The following RLF variants were observed in gnomAD, a reference collection of about 807,000 sequenced individuals.
RLF encodes zinc finger protein Rlf.
Under a neutral mutation model 162.9 loss-of-function variants are expected in RLF, and 7 were observed. That is an observed-to-expected ratio of 0.04 (90% CI 0.02 to 0.08). The LOEUF is 0.08. Among genes scored for constraint, RLF ranks in the 10% least tolerant of loss-of-function variants. The pLI is 1.00. For synonymous variants in RLF, 782 were observed against 791.5 expected (o/e 0.99, Z 0.20); for missense variants, 1,664 against 2,244.7 (o/e 0.74, Z 5.23).
At chr1:40,197,981 G>T (rs146437258) in intron 4 of RLF, among the ~76,000 whole-genome samples, 116 of 152,234 alleles carry the variant, frequency 7.6e-4, no homozygotes, top group African/African-American at 2.4e-3. Flanking sequence ...GATCAGTAAA[G>T]ATGCCATGGA....
chr1:40,226,544 T>C (rs1643080323), intron 6 of RLF, among the ~76,000 whole-genome samples: 2 of 152,250 alleles, frequency 1.3e-5, no homozygotes, highest in Admixed American at 1.3e-4. Flanking sequence ...GACTGTGATA[T>C]ACTAACCAAT....
At chr1:40,198,348 A>C (rs1290346123) in intron 4 of RLF, among the ~76,000 whole-genome samples, 4 of 140,424 alleles carry the variant, frequency 2.8e-5, no homozygotes, top group African/African-American at 8.1e-5. Context: ...CTTGTTGCCC[A>C]GGCTGGAGTG....
At chr1:40,192,400 T>C (rs1283972271) in intron 3 of RLF, among the ~76,000 whole-genome samples, 1 of 152,198 alleles carries the variant, frequency 6.6e-6, no homozygotes, top group Non-Finnish European at 1.5e-5. Flanking sequence ...TCAGCATCCC[T>C]AATCTGAAAA....
At position 40,238,503 on chromosome 1, in the gene RLF, A is replaced by G. The variant is rs1557763772; in HGVS notation, c.3801A>G (p.Lys1267=). ...LESSCEETES[K]TSDISSPIGS... ...CATCTTGTGAAGAAACAGAAAGTAAAACATCTGACATTTCATCACCAATAG... is the reference window on the plus strand; with the variant it reads ...CATCTTGTGAAGAAACAGAAAGTAAGACATCTGACATTTCATCACCAATAG... Residue 1267 remains lysine (K), a synonymous_variant, in exon 8 of 8, where the codon AAA becomes AAG. Coordinates refer to ENST00000372771, the MANE Select transcript of RLF (RefSeq NM_012421.4). This position sits in a 1 kb window ranked among gnomAD's most constrained non-coding sequence, Gnocchi z 5.2. 1.2e-6 allele frequency: 2 copies of G among 1,614,036 alleles called. No homozygotes were observed. Among genetic ancestry groups the G allele is most frequent in the South Asian group, 1.1e-5 (1 of 91,082 alleles).
rs201951615 is a variant in RLF at position 40,238,512 on chromosome 1, C to T, written c.3810C>T (p.Asp1270=). 8.7e-6 allele frequency: 14 copies of T among 1,613,888 alleles called. No individual in the cohort carries two copies. In the Middle Eastern group the frequency reaches 4.9e-4, roughly 57 times the overall value. Residue 1270 remains aspartate (D), a synonymous_variant, in exon 8 of 8, where the codon GAC becomes GAT. Coordinates refer to ENST00000372771, the MANE Select transcript of RLF (RefSeq NM_012421.4). The surrounding 1 kb of genome is among the most constrained non-coding windows in gnomAD (Gnocchi z 5.2). Reference sequence around the variant, plus strand: ...AAGAAACAGAAAGTAAAACATCTGACATTTCATCACCAATAGGCAGCCATA... The same window carrying T: ...AAGAAACAGAAAGTAAAACATCTGATATTTCATCACCAATAGGCAGCCATA... ...SCEETESKTS[D]ISSPIGSHRE... is the part of the protein sequence containing the mutation.
chr1:40,186,522 C>T lies in RLF; in HGVS notation c.238-2533C>T, dbSNP rs148995516. Among the ~76,000 whole-genome samples the T allele has an allele frequency of 1.7e-3, 257 of 152,270 alleles. 1 individual carries two copies. Among genetic ancestry groups the T allele is most frequent in the African/African-American group, 5.9e-3 (246 of 41,554 alleles). ...GTCCTGGTGGAATGTCTGTCAGAAG[C>T]TATTAGATTGGTGGCAAGAGCGTTC... On this transcript the variant is annotated intron_variant, in intron 1 of 7. Coordinates refer to ENST00000372771, the MANE Select transcript of RLF (RefSeq NM_012421.4).
chr1:40,212,840 C>T (rs1436374522), intron 5 of RLF, among the ~76,000 whole-genome samples: 1 of 151,982 alleles, frequency 6.6e-6, no homozygotes, highest in Non-Finnish European at 1.5e-5. Context: ...TTAAACAGGA[C>T]CCAGTGGGAA....
At chr1:40,188,543 C>T (rs1230565065) in intron 1 of RLF, among the ~76,000 whole-genome samples, 1 of 150,578 alleles carries the variant, frequency 6.6e-6, no homozygotes, top group Non-Finnish European at 1.5e-5. Flanking sequence ...ATAAAAATAT[C>T]AATATAACAT....
intron 6 of RLF, 87 bp downstream of exon 6, chr1:40,222,797 T>G: frequency 1.7e-6 from 2 of 1,202,800 alleles, no homozygotes; most frequent in South Asian, 1.4e-5. Context: ...TGTTTCTAAT[T>G]TAAAACCTAG....
At chr1:40,181,194 C>T (rs999806042) in intron 1 of RLF, among the ~76,000 whole-genome samples, 5 of 152,064 alleles carry the variant, frequency 3.3e-5, no homozygotes, top group African/African-American at 1.2e-4. Flanking sequence ...CTTTGGGAGG[C>T]CAAGGTGGAT....
chr1:40,214,943 A>AC lies in RLF; in HGVS notation c.811-7631_811-7630insC, dbSNP rs1211541054. On this transcript the variant is annotated intron_variant, in intron 5 of 7. Transcript: ENST00000372771. ...CAAAAAAAAAAAAAAAAAAAAAAAA[A>AC]AACTAAAGTATGAGAACAATGTCTC... is the stretch of plus-strand genomic sequence containing the variant. 1.4e-3 allele frequency among the ~76,000 whole-genome samples: 205 copies of AC among 144,728 alleles called. 10 individuals are homozygous for AC. The highest frequency in any genetic ancestry group is 5.0e-3 in the African/African-American group (192 of 38,422). The allele number at this position is 144,728 out of a possible 152,430, so 94.9% of individuals were successfully genotyped here. A position where few individuals can be genotyped will look rare whatever the true frequency, so the allele number is the denominator to read the frequency against.
intron 1 of RLF, among the ~76,000 whole-genome samples, chr1:40,169,941 C>A (rs776043260): frequency 3.9e-5 from 6 of 152,056 alleles, no homozygotes; most frequent in Non-Finnish European, 5.9e-5. Context: ...CCACCCACCT[C>A]ACCCTCCCAA....
At chr1:40,224,880 G>A (rs565479642) in intron 6 of RLF, among the ~76,000 whole-genome samples, 87 of 151,256 alleles carry the variant, frequency 5.8e-4, no homozygotes, top group African/African-American at 2.0e-3. Context: ...CCAGCTACTC[G>A]GGAGCCTGAG....
intron 3 of RLF, among the ~76,000 whole-genome samples, chr1:40,193,950 T>C (rs148077749): frequency 1.4e-4 from 22 of 152,258 alleles, no homozygotes; most frequent in Non-Finnish European, 4.4e-5. Context: ...TCCTAGAGAA[T>C]TTCAGGAGTT....
At chr1:40,164,424 T>G (rs1030903962) in intron 1 of RLF, among the ~76,000 whole-genome samples, 1 of 152,180 alleles carries the variant, frequency 6.6e-6, no homozygotes, top group African/African-American at 2.4e-5. Context: ...TTCATAAGTT[T>G]GTGAAGATGA....
At chr1:40,202,338 C>G in intron 4 of RLF, 74 bp from the exon 5 acceptor site, 1 of 962,568 alleles carries the variant, frequency 1.0e-6, no homozygotes, top group Non-Finnish European at 1.5e-6. Context: ...AAAAAGATCT[C>G]AAACTTTCAT....
chr1:40,229,788 C>T (rs747841244), intron 6 of RLF, among the ~76,000 whole-genome samples: 1 of 152,018 alleles, frequency 6.6e-6, no homozygotes, highest in East Asian at 1.9e-4. Context: ...ATATTCATTT[C>T]AATCTTTGAA....
rs376223673 is a variant in RLF at position 40,170,643 on chromosome 1, C to T, written c.237+9007C>T. 2.0e-4 allele frequency among the ~76,000 whole-genome samples: 30 copies of T among 152,234 alleles called. 1 individual carries two copies. In the East Asian group the frequency reaches 5.2e-3, roughly 26 times the overall value. On this transcript the variant is annotated intron_variant, in intron 1 of 7. Transcript: ENST00000372771. ...CTGTATTTGTGCATTAGCCTACTTG[C>T]TAAAATTTATTTGTAAAACCAGCTG...
chr1:40,205,857 C>T (rs1479251667), intron 5 of RLF, among the ~76,000 whole-genome samples: 3 of 152,154 alleles, frequency 2.0e-5, no homozygotes, highest in Non-Finnish European at 4.4e-5. Flanking sequence ...ATCACTAAAT[C>T]TAATGATGAC....
Sources: gnomAD v4.1 joint callset for allele counts (sites outside exome capture counted in the v4.1 genomes callset) on GRCh38, gnomAD v4.1.1 for gene constraint, Gnocchi (gnomAD v3.1) non-coding constraint, MANE v1.5 for transcripts, NCBI Gene and HGNC (gene_info 2026-07-23, HGNC 2026-07-21) for gene names.